The following CDH13 variants were observed in gnomAD, a reference collection of about 807,000 sequenced individuals.
The protein encoded by CDH13 is cadherin-13.
A neutral mutation model predicts 63.8 loss-of-function variants in CDH13; 24 were observed. The observed-to-expected ratio is 0.38, with a 90% CI of 0.27 to 0.53. The LOEUF (loss-of-function observed/expected upper bound fraction) is 0.53, where lower values mean the gene tolerates loss of function less well. Among genes scored for constraint, CDH13 ranks in the 20% least tolerant of loss-of-function variants. CDH13 has a pLI of 0.85. For synonymous variants in CDH13, 503 were observed against 355.3 expected, an observed-to-expected ratio of 1.42 and a Z score of -4.67; for missense variants, 1,049 against 903.1, an observed-to-expected ratio of 1.16 and a Z score of -2.07.
At chr16:83,065,351 T>C (rs368497588) in intron 3 of CDH13, among the ~76,000 whole-genome samples, 1 of 152,012 alleles carries the variant, frequency 6.6e-6, no homozygotes, top group Non-Finnish European at 1.5e-5. Flanking sequence ...GGTACAAAGA[T>C]GGGTAAGATG....
rs531337864 is a variant in CDH13 at position 83,057,389 on chromosome 16, C to T, written c.366+25171C>T. On this transcript the variant is annotated intron_variant, in intron 3 of 13. Coordinates refer to ENST00000567109, the MANE Select transcript of CDH13 (RefSeq NM_001257.5). ...TCATGACAGAGTTGTATGTCTTCAT[C>T]TTTATGGTGGTGACATAGGTGTGTT... Among the ~76,000 whole-genome samples, 6 of 152,270 alleles carry T rather than the reference C, an allele frequency of 3.9e-5. No homozygotes were observed. In the East Asian group the frequency reaches 1.2e-3, roughly 29 times the overall value.
chr16:83,456,531 A>C (rs989546418), intron 6 of CDH13, among the ~76,000 whole-genome samples: 19 of 152,168 alleles, frequency 1.2e-4, no homozygotes, highest in African/African-American at 4.6e-4. Flanking sequence ...TTCAGAGGCA[A>C]CTGCAAGGAA....
chr16:82,699,239 C>T (rs1456589135), intron 1 of CDH13, among the ~76,000 whole-genome samples: 1 of 152,054 alleles, frequency 6.6e-6, no homozygotes, highest in Non-Finnish European at 1.5e-5. Flanking sequence ...GTAGTAGGGC[C>T]AGGGAGGGTC....
chr16:83,230,076 C>T (rs1256266611), intron 5 of CDH13, among the ~76,000 whole-genome samples: 5 of 152,100 alleles, frequency 3.3e-5, no homozygotes, highest in Non-Finnish European at 7.4e-5. Flanking sequence ...AAGGGGTAGA[C>T]CCACAGCAGA....
chr16:83,035,817 G>T (rs935154600), intron 3 of CDH13, among the ~76,000 whole-genome samples: 1 of 152,298 alleles, frequency 6.6e-6, no homozygotes, highest in Middle Eastern at 3.4e-3. Context: ...AGGGATAATA[G>T]ACTTGTTTGG....
At chr16:82,791,161 C>T (rs768996204) in intron 1 of CDH13, among the ~76,000 whole-genome samples, 14 of 151,274 alleles carry the variant, frequency 9.3e-5, no homozygotes, top group Non-Finnish European at 1.9e-4. Flanking sequence ...GGCATGAACC[C>T]GGGAGGCGGA....
At chr16:83,627,538 T>A (rs150118069) in intron 8 of CDH13, among the ~76,000 whole-genome samples, 1 of 152,044 alleles carries the variant, frequency 6.6e-6, no homozygotes, top group East Asian at 1.9e-4. Context: ...ATTTGGATAG[T>A]TTATTTTGTT....
At chr16:82,937,001 C>T (rs964260873) in intron 2 of CDH13, among the ~76,000 whole-genome samples, 1 of 152,068 alleles carries the variant, frequency 6.6e-6, no homozygotes, top group Non-Finnish European at 1.5e-5. Context: ...TCAGCACAAC[C>T]AAAACAAACC....
chr16:83,123,107 CT>C (rs1322408777), intron 3 of CDH13, among the ~76,000 whole-genome samples: 1 of 151,704 alleles, frequency 6.6e-6, no homozygotes, highest in Non-Finnish European at 1.5e-5. Context: ...TGATTTTATT[CT>C]TTTTTTAGGC....
chr16:83,681,704 C>T (rs1598468984), intron 10 of CDH13, among the ~76,000 whole-genome samples: 1 of 152,316 alleles, frequency 6.6e-6, no homozygotes, highest in Non-Finnish European at 1.5e-5. Flanking sequence ...AAAAGAGGCT[C>T]ATTAATTATT....
intron 5 of CDH13, among the ~76,000 whole-genome samples, chr16:83,318,902 C>T (rs973425968): frequency 6.6e-6 from 1 of 151,936 alleles, no homozygotes; most frequent in Non-Finnish European, 1.5e-5. Context: ...ATAGGGAAGA[C>T]CTTGTCCCTA....
chr16:83,140,531 A>G (rs557792847), intron 4 of CDH13, among the ~76,000 whole-genome samples: 2 of 152,100 alleles, frequency 1.3e-5, no homozygotes, highest in East Asian at 1.9e-4. Context: ...TTGGCTCACT[A>G]CAACCTCGCT....
chr16:82,852,520 T>A (rs920792306), intron 1 of CDH13, among the ~76,000 whole-genome samples: 21 of 152,316 alleles, frequency 1.4e-4, no homozygotes, highest in Non-Finnish European at 2.6e-4. Flanking sequence ...GACGTGAGAA[T>A]CCTTCCACCC....
chr16:83,678,192 T>C lies in CDH13; in HGVS notation c.1285-16T>C. The C allele has an allele frequency of 1.2e-6, 2 of 1,602,948 alleles. No individual in the cohort carries two copies. The highest frequency in any genetic ancestry group is 1.7e-6 in the Non-Finnish European group (2 of 1,171,964). On this transcript the variant is annotated splice_polypyrimidine_tract_variant and intron_variant, in intron 9 of 13. Coordinates refer to ENST00000567109, the MANE Select transcript of CDH13 (RefSeq NM_001257.5). ...TGGCTGGTGTGCATCCTGAGACCCT[T>C]CTGTCTGCTTTCCAGCCATTGGACT...
At chr16:83,225,277 G>T (rs1182070311) in intron 5 of CDH13, among the ~76,000 whole-genome samples, 1 of 152,200 alleles carries the variant, frequency 6.6e-6, no homozygotes, top group African/African-American at 2.4e-5. Context: ...TTTCGTTACA[G>T]TTCTGGTGGG....
At chr16:83,288,358 T>G (rs189099135) in intron 5 of CDH13, among the ~76,000 whole-genome samples, 2 of 152,302 alleles carry the variant, frequency 1.3e-5, no homozygotes, top group East Asian at 1.9e-4. Context: ...AGAGGTTAAA[T>G]GACTAGCCCA....
At chr16:83,252,107 T>TACACACAAACAC (rs1905622739) in intron 5 of CDH13, among the ~76,000 whole-genome samples, 1 of 135,958 alleles carries the variant, frequency 7.4e-6, no homozygotes, top group Admixed American at 7.6e-5. Flanking sequence ...ATATATATTA[T>TACACACAAACAC]ACACACACAC....
At chr16:82,775,787 A>G (rs991757032) in intron 1 of CDH13, among the ~76,000 whole-genome samples, 4 of 152,168 alleles carry the variant, frequency 2.6e-5, no homozygotes, top group African/African-American at 9.6e-5. Flanking sequence ...CCTTGCAAAA[A>G]TATTAATTTG....
chr16:82,869,679 A>G (rs932867948), intron 2 of CDH13, among the ~76,000 whole-genome samples: 3 of 152,192 alleles, frequency 2.0e-5, no homozygotes, highest in Non-Finnish European at 2.9e-5. Flanking sequence ...AAATCTATGC[A>G]TTTACAGTGA....
Sources: allele counts gnomAD v4.1 joint callset (sites outside exome capture counted in the v4.1 genomes callset), GRCh38; gene constraint gnomAD v4.1.1; transcripts MANE v1.5; gene names NCBI Gene and HGNC (gene_info 2026-07-23, HGNC 2026-07-21).